The following MGMT variants were observed in gnomAD, a reference collection of about 807,000 sequenced individuals.
MGMT encodes O-6-methylguanine-DNA methyltransferase, also known as methylated-DNA--protein-cysteine methyltransferase.
Under a neutral mutation model 15.9 loss-of-function variants are expected in MGMT, and 14 were observed. That is an observed-to-expected ratio of 0.88 (90% CI 0.58 to 1.37). The LOEUF (loss-of-function observed/expected upper bound fraction) is 1.37, where lower values mean the gene tolerates loss of function less well. MGMT is among the 40% of genes most tolerant of loss of function. MGMT has a pLI of 0.00. For missense variants in MGMT, 282 were observed against 268.1 expected (o/e 1.05, Z -0.36); for synonymous variants, 130 against 118.2 (o/e 1.10, Z -0.65).
In MGMT at chr10:129,766,873, G is replaced by A. The variant is rs777316575; in HGVS notation, c.500G>A (p.Trp167Ter). 4.8e-5 allele frequency: 78 copies of A among 1,613,624 alleles called. No homozygotes were observed. In the South Asian group the frequency reaches 5.5e-4, roughly 11 times the overall value. The change falls in exon 5 of 5, where the codon TGG (tryptophan) becomes TAG (stop). Residue 167 changes from tryptophan (W) to a stop codon, truncating the protein, a stop_gained. Coordinates refer to ENST00000651593, the MANE Select transcript of MGMT (RefSeq NM_002412.5). LOFTEE classifies it low-confidence loss of function (END_TRUNC). ...NYSGGLAVKE[W>*]LLAHEGHRLG... ...TCCGGAGGACTGGCCGTGAAGGAAT[G>A]GCTTCTGGCCCATGAAGGCCACCGG...
intron 2 of MGMT, among the ~76,000 whole-genome samples, chr10:129,560,954 A>AGTGTGTGTGTGT (rs57984603): frequency 0.02 from 2,637 of 133,222 alleles, 45 homozygotes; most frequent in Non-Finnish European, 0.025. Flanking sequence ...AGTAAAGAGC[A>AGTGTGTGTGTGT]GTGTGTGTGT....
intron 2 of MGMT, among the ~76,000 whole-genome samples, chr10:129,609,261 G>T (rs745388602): frequency 2.6e-5 from 4 of 152,184 alleles, no homozygotes; most frequent in Non-Finnish European, 5.9e-5. Flanking sequence ...GTCCCTGGAG[G>T]CTGGATGGTA....
At chr10:129,506,013 T>A (rs1246803431) in intron 1 of MGMT, among the ~76,000 whole-genome samples, 1 of 151,648 alleles carries the variant, frequency 6.6e-6, no homozygotes, top group Non-Finnish European at 1.5e-5. Context: ...GCTATTTTTT[T>A]TTTTTTTTTT....
chr10:129,727,344 G>T (rs923365811), intron 3 of MGMT, among the ~76,000 whole-genome samples: 2 of 152,234 alleles, frequency 1.3e-5, no homozygotes, highest in Non-Finnish European at 2.9e-5. Context: ...GGCCCATGTG[G>T]TGAGGAGCCA....
At chr10:129,639,056 A>G (rs1322404223) in intron 2 of MGMT, among the ~76,000 whole-genome samples, 1 of 152,218 alleles carries the variant, frequency 6.6e-6, no homozygotes, top group African/African-American at 2.4e-5. Flanking sequence ...TATTCTTGAA[A>G]ATATATAGCC....
intron 3 of MGMT, among the ~76,000 whole-genome samples, chr10:129,738,479 G>A (rs533572539): frequency 1.4e-4 from 22 of 152,296 alleles, no homozygotes; most frequent in South Asian, 8.3e-4. Flanking sequence ...AGATGAATCC[G>A]GTACCTCAGA....
chr10:129,549,279 A>G (rs1846129708), intron 2 of MGMT, among the ~76,000 whole-genome samples: 1 of 152,148 alleles, frequency 6.6e-6, no homozygotes, highest in African/African-American at 2.4e-5. Context: ...TAATCATGTG[A>G]TATCCTCTCG....
intron 1 of MGMT, among the ~76,000 whole-genome samples, chr10:129,476,555 G>T (rs755228694): frequency 2.7e-4 from 41 of 152,100 alleles, no homozygotes; most frequent in Non-Finnish European, 5.7e-4. Flanking sequence ...ACCGCTGCCT[G>T]GGGCAGTGCT....
intron 3 of MGMT, among the ~76,000 whole-genome samples, chr10:129,725,081 T>C (rs947446048): frequency 6.6e-6 from 1 of 152,138 alleles, no homozygotes; most frequent in Admixed American, 6.6e-5. Flanking sequence ...AGGAAGCCTC[T>C]GGGCCAGACC....
chr10:129,608,418 C>T (rs1404201974), intron 2 of MGMT, among the ~76,000 whole-genome samples: 1 of 152,216 alleles, frequency 6.6e-6, no homozygotes, highest in East Asian at 1.9e-4. Context: ...TGTACTGAAC[C>T]TTTCCACTTT....
chr10:129,548,342 T>C (rs1564848716), intron 2 of MGMT, among the ~76,000 whole-genome samples: 1 of 152,242 alleles, frequency 6.6e-6, no homozygotes, highest in Non-Finnish European at 1.5e-5. Context: ...TTATCATTCT[T>C]CTGAATTATT....
At chr10:129,557,647 A>G in intron 2 of MGMT, among the ~76,000 whole-genome samples, 1 of 152,340 alleles carries the variant, frequency 6.6e-6, no homozygotes, top group Non-Finnish European at 1.5e-5. Context: ...AAAGCATTTT[A>G]ATGATAATTG....
rs537353297 is a variant in MGMT, at chr10:129,577,439, G to A, written c.125+41062G>A. On this transcript the variant is annotated intron_variant, in intron 2 of 4. Coordinates refer to ENST00000651593, the MANE Select transcript of MGMT (RefSeq NM_002412.5). ...TGACAAAAAGAAGAAATGGGGAAAG[G>A]ATTCCTTATTTAATAAATGGTGCTG... Among the ~76,000 whole-genome samples, 331 of 152,300 alleles carry A rather than the reference G, an allele frequency of 2.2e-3. 2 individuals carry two copies. The highest frequency in any genetic ancestry group is 7.6e-3 in the African/African-American group (315 of 41,558).
chr10:129,660,914 A>G (rs1375926828), intron 2 of MGMT, among the ~76,000 whole-genome samples: 4 of 152,154 alleles, frequency 2.6e-5, no homozygotes, highest in Non-Finnish European at 5.9e-5. Flanking sequence ...GAAAATTTTT[A>G]AAGTAACACA....
At chr10:129,686,722 G>A (rs1291369409) in intron 2 of MGMT, among the ~76,000 whole-genome samples, 6 of 152,176 alleles carry the variant, frequency 3.9e-5, no homozygotes, top group Non-Finnish European at 7.3e-5. Context: ...GTCCTGGACG[G>A]TATTTCCTAA....
chr10:129,759,194 C>T lies in MGMT; in HGVS notation c.275-8C>T. On this transcript the variant is annotated splice_polypyrimidine_tract_variant and splice_region_variant and intron_variant, in intron 3 of 4. Transcript: ENST00000651593. ...CCAAATAACATTATCCTGCATTCTTCCTTTCAGAGTCGTTCACCAGACAGG... is the reference window on the plus strand; with the variant it reads ...CCAAATAACATTATCCTGCATTCTTTCTTTCAGAGTCGTTCACCAGACAGG... The T allele has an allele frequency of 1.9e-6, 3 of 1,614,180 alleles. No individual in the cohort carries two copies. Among genetic ancestry groups the T allele is most frequent in the Non-Finnish European group, 2.5e-6 (3 of 1,180,024 alleles).
chr10:129,508,525 T>C (rs1400821921), intron 1 of MGMT, among the ~76,000 whole-genome samples: 3 of 151,492 alleles, frequency 2.0e-5, no homozygotes, highest in Non-Finnish European at 4.4e-5. Flanking sequence ...TCTTTCTTTT[T>C]TTTTTTTTTG....
intron 2 of MGMT, among the ~76,000 whole-genome samples, chr10:129,590,284 C>T (rs948417107): frequency 1.1e-4 from 16 of 152,154 alleles, no homozygotes; most frequent in African/African-American, 3.9e-4. Context: ...CTTTATAGTT[C>T]AGTTGCTTTG....
chr10:129,564,678 CT>C, intron 2 of MGMT, among the ~76,000 whole-genome samples: 1 of 133,108 alleles, frequency 7.5e-6, no homozygotes, highest in African/African-American at 2.9e-5. Context: ...CCCTCCTCTC[CT>C]TCCTCCTCCT....
Sources: allele counts gnomAD v4.1 joint callset (sites outside exome capture counted in the v4.1 genomes callset), GRCh38; gene constraint gnomAD v4.1.1; transcripts MANE v1.5; gene names NCBI Gene and HGNC (gene_info 2026-07-23, HGNC 2026-07-21).